IQCM: variants seen among roughly 807,000 people sequenced by gnomAD.
IQCM encodes IQ domain-containing protein M.
Under a neutral mutation model 57.6 loss-of-function variants are expected in IQCM, and 45 were observed. The observed-to-expected ratio is 0.78, with a 90% CI of 0.62 to 1.00. The LOEUF is 1.00. Ranked by LOEUF, IQCM falls within the 50% of genes least tolerant of loss-of-function variation. The probability of loss-of-function intolerance (pLI) is 0.00; values close to 1 mark genes in which losing one functional copy is unlikely to be tolerated. For synonymous variants in IQCM, 148 were observed against 158.9 expected, an observed-to-expected ratio of 0.93 and a Z score of 0.51; for missense variants, 468 against 511.6, an observed-to-expected ratio of 0.91 and a Z score of 0.82.
At chr4:149,627,900 G>A (rs769740486) in intron 7 of IQCM, among the ~76,000 whole-genome samples, 5 of 152,024 alleles carry the variant, frequency 3.3e-5, no homozygotes, top group Non-Finnish European at 7.4e-5. Context: ...GATATGATGA[G>A]GCAAAAAATA....
In IQCM at chr4:149,699,628, A is replaced by G. The variant is rs534313196; in HGVS notation, c.386-13160T>C. On this transcript the variant is annotated intron_variant, in intron 5 of 13. Coordinates refer to ENST00000636793, the MANE Select transcript of IQCM (RefSeq NM_001363507.2). ...GAAAATTCTCCATGAATATTTTCAC[A>G]TATCTGTAGAGTCAGAGCTTTGTGA... 3.5e-4 allele frequency among the ~76,000 whole-genome samples: 52 copies of G among 149,730 alleles called. 1 individual carries two copies. Among genetic ancestry groups the G allele is most frequent in the African/African-American group, 1.2e-3 (50 of 40,662 alleles).
intron 7 of IQCM, among the ~76,000 whole-genome samples, chr4:149,651,198 C>G (rs372880726): frequency 6.6e-6 from 1 of 152,130 alleles, no homozygotes; most frequent in African/African-American, 2.4e-5. Flanking sequence ...GTGGTCACAT[C>G]CTGAGGAGCA....
intron 12 of IQCM, among the ~76,000 whole-genome samples, chr4:149,442,436 A>G (rs140975326): frequency 3.4e-4 from 51 of 152,178 alleles, no homozygotes; most frequent in African/African-American, 1.2e-3. Context: ...AAACAAAAAC[A>G]AACAAAAACA....
At position 149,563,757 on chromosome 4, in the gene IQCM, T is replaced by C. The variant is rs948189421; in HGVS notation, c.883A>G (p.Thr295Ala). 1.6e-6 allele frequency: 2 copies of C among 1,232,118 alleles called. No homozygotes were observed. Among genetic ancestry groups the C allele is most frequent in the Non-Finnish European group, 2.0e-6 (2 of 987,950 alleles). The allele number at this position is 1,232,118 out of a possible 1,614,324, so 76.3% of individuals were successfully genotyped here. A position where few individuals can be genotyped will look rare whatever the true frequency, so the allele number is the denominator to read the frequency against. Residue 295 changes from threonine to alanine, a missense_variant, in exon 10 of 14, where the codon ACC becomes GCC. Coordinates refer to ENST00000636793, the MANE Select transcript of IQCM (RefSeq NM_001363507.2). ...MITPKLIRMV[T>A]VMQAHVRGWL... is the part of the protein sequence containing the mutation. ...CCCCTGACATGTGCCTGCATGACGGTGACCATTCTAATCAATTTTGGGGTA... is the reference window on the plus strand; with the variant it reads ...CCCCTGACATGTGCCTGCATGACGGCGACCATTCTAATCAATTTTGGGGTA...
chr4:149,358,918 A>G (rs897955236), intron 13 of IQCM, among the ~76,000 whole-genome samples: 2 of 81,696 alleles, frequency 2.4e-5, no homozygotes, highest in Non-Finnish European at 5.8e-5. Context: ...AGTGAGTGGA[A>G]ATGAGAAAGA....
At chr4:149,814,922 C>G (rs111714318) in intron 2 of IQCM, among the ~76,000 whole-genome samples, 2,502 of 151,940 alleles carry the variant, frequency 0.016, 74 homozygotes, top group African/African-American at 0.058. Context: ...TGTCTGTGTT[C>G]AAGAGCACTC....
At chr4:149,646,296 A>G (rs1245978091) in intron 7 of IQCM, among the ~76,000 whole-genome samples, 1 of 152,134 alleles carries the variant, frequency 6.6e-6, no homozygotes. Context: ...TATTTCTGAA[A>G]TATAAACTTT....
chr4:149,528,704 G>T (rs1013467560), intron 12 of IQCM, among the ~76,000 whole-genome samples: 3 of 152,044 alleles, frequency 2.0e-5, no homozygotes, highest in African/African-American at 7.2e-5. Context: ...CATTGATGGA[G>T]GACTCCCCAA....
chr4:149,403,862 A>T (rs1463515862), intron 13 of IQCM, among the ~76,000 whole-genome samples: 1 of 152,024 alleles, frequency 6.6e-6, no homozygotes, highest in Non-Finnish European at 1.5e-5. Flanking sequence ...GCAATTAAAC[A>T]TTTTCAATTT....
chr4:149,557,112 G>C (rs1749666122), intron 10 of IQCM, among the ~76,000 whole-genome samples: 1 of 152,106 alleles, frequency 6.6e-6, no homozygotes, highest in African/African-American at 2.4e-5. Context: ...TATAGGCCGT[G>C]GTTCTTGGCT....
intron 12 of IQCM, among the ~76,000 whole-genome samples, chr4:149,530,813 C>G (rs958761902): frequency 1.4e-3 from 180 of 124,854 alleles, no homozygotes; most frequent in African/African-American, 5.2e-3. Context: ...ACCCCCCCCC[C>G]ACATACACAC....
At chr4:149,571,670 T>C (rs1751174718) in intron 9 of IQCM, among the ~76,000 whole-genome samples, 1 of 152,116 alleles carries the variant, frequency 6.6e-6, no homozygotes, top group Non-Finnish European at 1.5e-5. Context: ...CTATGTAAAG[T>C]AATGCACATG....
intron 11 of IQCM, among the ~76,000 whole-genome samples, chr4:149,550,897 C>T (rs1445821289): frequency 2.0e-5 from 3 of 152,166 alleles, no homozygotes; most frequent in African/African-American, 7.2e-5. Flanking sequence ...TTCTGTTCTA[C>T]TGTTCAGCTC....
At chr4:149,515,239 A>G (rs1441361652) in intron 12 of IQCM, among the ~76,000 whole-genome samples, 1 of 151,830 alleles carries the variant, frequency 6.6e-6, no homozygotes, top group Non-Finnish European at 1.5e-5. Flanking sequence ...TTTGGTGGAA[A>G]CCAAACGTTT....
rs541755378 is a variant in IQCM at position 149,601,945 on chromosome 4, T to C, written c.682-13948A>G. Reference sequence around the variant, plus strand: ...GGCTGTCGCCTGTAGTCTGAGCTACTTGGGAGGCTGAGGCGGGAGAATGGC... The same window carrying C: ...GGCTGTCGCCTGTAGTCTGAGCTACCTGGGAGGCTGAGGCGGGAGAATGGC... On this transcript the variant is annotated intron_variant, in intron 8 of 13. Coordinates refer to ENST00000636793, the MANE Select transcript of IQCM (RefSeq NM_001363507.2). 2.1e-4 allele frequency among the ~76,000 whole-genome samples: 32 copies of C among 150,518 alleles called. 1 individual carries two copies. The highest frequency in any genetic ancestry group is 1.5e-5 in the Non-Finnish European group (1 of 67,736).
intron 8 of IQCM, among the ~76,000 whole-genome samples, chr4:149,614,243 A>T (rs1755579722): frequency 6.6e-6 from 1 of 152,136 alleles, no homozygotes; most frequent in Admixed American, 6.5e-5. Context: ...ATTTGCTCGT[A>T]ATCCTGTACT....
intron 5 of IQCM, among the ~76,000 whole-genome samples, chr4:149,728,509 A>G (rs1297756394): frequency 6.6e-6 from 1 of 152,228 alleles, no homozygotes; most frequent in Non-Finnish European, 1.5e-5. Context: ...AACACATATT[A>G]AAAGTACTAT....
chr4:149,683,063 T>G (rs1237142216), intron 6 of IQCM, among the ~76,000 whole-genome samples: 1 of 151,258 alleles, frequency 6.6e-6, no homozygotes, highest in African/African-American at 2.4e-5. Context: ...GATCTTTCTT[T>G]ATAAATGTAC....
chr4:149,659,512 C>T (rs1402201554), intron 7 of IQCM, among the ~76,000 whole-genome samples: 10 of 152,018 alleles, frequency 6.6e-5, no homozygotes, highest in Non-Finnish European at 1.2e-4. Context: ...AAAAAGAGCC[C>T]GCATCGCCAA....
Sources: gnomAD v4.1 joint callset for allele counts (sites outside exome capture counted in the v4.1 genomes callset) on GRCh38, gnomAD v4.1.1 for gene constraint, MANE v1.5 for transcripts, NCBI Gene and HGNC (gene_info 2026-07-23, HGNC 2026-07-21) for gene names.